Variants in AASS observed in about 807,000 individuals in gnomAD.
The protein encoded by AASS is alpha-aminoadipic semialdehyde synthase, mitochondrial.
Under a neutral mutation model 105.4 loss-of-function variants are expected in AASS, and 86 were observed. The ratio of observed to expected loss-of-function variants is 0.82; its 90% CI spans 0.69 to 0.98. The LOEUF is 0.98. AASS is among the 50% of genes least tolerant of loss of function. AASS has a pLI of 0.00. For missense variants in AASS, 1,048 were observed against 1,143.2 expected (o/e 0.92, Z 1.20); for synonymous variants, 381 against 394.8 (o/e 0.96, Z 0.41).
In AASS at chr7:122,115,074, T is replaced by C; in HGVS notation, c.1043A>G (p.Lys348Arg). 6.2e-7 allele frequency: 1 copy of C among 1,614,128 alleles called. No homozygotes were observed. The highest frequency in any genetic ancestry group is 8.5e-7 in the Non-Finnish European group (1 of 1,180,002). The change falls in exon 9 of 24, where the codon AAA (lysine) becomes AGA (arginine). Residue 348 changes from lysine to arginine, a missense_variant and splice_region_variant. By Grantham distance (26) the Lys-to-Arg change is conservative. Transcript: ENST00000417368. The stretch of plus-strand genomic sequence containing the variant: ...ATCGTTGCTGAAGTAGAGTCCTTAC[T>C]TGTGTGGTAATGCAGGGCAGCCTTC... ...GVEGCPALPH[K>R]LVAICDISAD... is the part of the protein sequence containing the mutation.
In AASS at chr7:122,077,995, CAT is replaced by C; in HGVS notation, c.2503_2504del (p.Met835AspfsTer19). The C allele has an allele frequency of 6.2e-7, 1 of 1,614,120 alleles. No homozygotes were observed. Among genetic ancestry groups the C allele is most frequent in the East Asian group, 2.2e-5 (1 of 44,868 alleles). On this transcript the variant is annotated frameshift_variant, in exon 23 of 24. Coordinates refer to ENST00000417368, the MANE Select transcript of AASS (RefSeq NM_005763.4). LOFTEE classifies it high-confidence loss of function. ...KLSYGPEEKD[M>X]IVMRDSFGIR... ...TTCCAAAGCTGTCTCTCATCACAAT[CAT>C]ATCTTTTTCTTCAGGACCTTAAAAC...
At chr7:122,131,698 CA>C (rs1795926111) in intron 2 of AASS, among the ~76,000 whole-genome samples, 1 of 151,968 alleles carries the variant, frequency 6.6e-6, no homozygotes, top group Non-Finnish European at 1.5e-5. Context: ...AACAGTATCT[CA>C]GTAACAATAA....
chr7:122,104,232 C>T (rs561917001), intron 11 of AASS, among the ~76,000 whole-genome samples: 1 of 152,010 alleles, frequency 6.6e-6, no homozygotes, highest in Non-Finnish European at 1.5e-5. Flanking sequence ...AATCTAGATA[C>T]CCATCAGTGG....
chr7:122,144,054 C>T (rs1243221816), intron 1 of AASS, 107 bp downstream of exon 1: 3 of 152,294 alleles, frequency 2.0e-5, no homozygotes, highest in Admixed American at 2.0e-4. Flanking sequence ...CTCGCGGGCC[C>T]CTCCCAGCGA....
chr7:122,143,978 T>C (rs1211556798), intron 1 of AASS, among the ~76,000 whole-genome samples, 183 bp downstream of exon 1: 1 of 152,084 alleles, frequency 6.6e-6, no homozygotes, highest in Non-Finnish European at 1.5e-5. Flanking sequence ...GCCCGAATGC[T>C]CGCCGCCTTC....
chr7:122,134,628 A>G (rs547271188), intron 1 of AASS, among the ~76,000 whole-genome samples: 32 of 152,304 alleles, frequency 2.1e-4, no homozygotes, highest in African/African-American at 5.8e-4. Flanking sequence ...ACCGGATTTT[A>G]CAAAAGTATT....
Position 122,076,531 on chromosome 7 carries a change from T to C in AASS, c.2739A>G (p.Ala913=), listed in dbSNP as rs138309707. The C allele has an allele frequency of 6.2e-7, 1 of 1,613,986 alleles. No homozygotes were observed. The highest frequency in any genetic ancestry group is 8.5e-7 in the Non-Finnish European group (1 of 1,179,850). Residue 913 remains alanine (A), a synonymous_variant, in exon 24 of 24, where the codon GCA becomes GCG. Transcript: ENST00000417368. ...TCTGTGTAGTATATATAATGCCTTC[T>C]GCTTTAATTCGCTCCAATATTGGTC... The part of the protein sequence containing the change: ...IYGPILERIK[A]EGIIYTTQST...
chr7:122,140,485 C>CGAAAAAAA (rs1796336511), intron 1 of AASS, among the ~76,000 whole-genome samples: 1 of 37,328 alleles, frequency 2.7e-5, no homozygotes, highest in African/African-American at 1.1e-4. Flanking sequence ...GACTCAGTCT[C>CGAAAAAAA]AAAAAAAAAA....
intron 19 of AASS, chr7:122,082,930 T>A (rs552694215): frequency 2.6e-6 from 3 of 1,167,818 alleles, no homozygotes; most frequent in South Asian, 2.5e-5. Context: ...AGATTCTGAA[T>A]AATAGATGAA....
At chr7:122,084,786 T>A (rs749623719) in intron 19 of AASS, among the ~76,000 whole-genome samples, 27 of 152,046 alleles carry the variant, frequency 1.8e-4, no homozygotes, top group Non-Finnish European at 3.5e-4. Flanking sequence ...GTGCCTTACA[T>A]CTTCCAGATA....
At chr7:122,132,192 G>T (rs1562992703) in intron 2 of AASS, among the ~76,000 whole-genome samples, 2 of 152,066 alleles carry the variant, frequency 1.3e-5, no homozygotes, top group Non-Finnish European at 2.9e-5. Context: ...TGATAAGAAA[G>T]TTTTTTAAAG....
At chr7:122,116,084 G>A (rs1394170369) in intron 8 of AASS, among the ~76,000 whole-genome samples, 1 of 152,116 alleles carries the variant, frequency 6.6e-6, no homozygotes, top group Non-Finnish European at 1.5e-5. Flanking sequence ...TGACTATAGA[G>A]CACACAAATA....
chr7:122,088,133 A>T (rs1261486784), intron 18 of AASS, among the ~76,000 whole-genome samples: 27 of 152,102 alleles, frequency 1.8e-4, no homozygotes, highest in Non-Finnish European at 1.9e-4. Context: ...GAGAATATAC[A>T]TTTCTTTCTG....
chr7:122,114,245 A>C (rs1795068941), intron 9 of AASS, among the ~76,000 whole-genome samples: 1 of 152,174 alleles, frequency 6.6e-6, no homozygotes, highest in African/African-American at 2.4e-5. Flanking sequence ...CACCCTAAAT[A>C]TGCTTTGGTA....
chr7:122,098,350 A>C, intron 15 of AASS, 100 bp downstream of exon 15: 1 of 1,379,128 alleles, frequency 7.3e-7, no homozygotes, highest in African/African-American at 1.4e-5. Context: ...TAAAAACTTT[A>C]CTCCAAAGGA....
At chr7:122,132,075 C>T (rs191483761) in intron 2 of AASS, among the ~76,000 whole-genome samples, 44 of 152,298 alleles carry the variant, frequency 2.9e-4, no homozygotes, top group African/African-American at 9.6e-4. Flanking sequence ...ATTCAGTTCA[C>T]TGTAATAAAA....
At chr7:122,112,295 C>T (rs1794977287) in intron 11 of AASS, among the ~76,000 whole-genome samples, 2 of 152,166 alleles carry the variant, frequency 1.3e-5, no homozygotes, top group Non-Finnish European at 2.9e-5. Flanking sequence ...TCATGTCTAA[C>T]CATGACAGTG....
At chr7:122,118,210 A>G (rs1795277559) in intron 6 of AASS, 97 bp downstream of exon 6, 1 of 1,363,786 alleles carries the variant, frequency 7.3e-7, no homozygotes, top group Admixed American at 1.7e-5. Context: ...TAGAATCTCC[A>G]GTCCATTTGA....
In AASS at chr7:122,079,797, G is replaced by T; in HGVS notation, c.2281-85C>A. The stretch of plus-strand genomic sequence containing the variant: ...TGAAAAATTATCCTACTAAAACACT[G>T]AACTTCAAATACACCTCAAATTTTA... On this transcript the variant is annotated intron_variant, in intron 20 of 23. Transcript: ENST00000417368. The T allele has an allele frequency of 3.5e-6, 3 of 867,842 alleles. No homozygotes were observed. In the South Asian group the frequency reaches 4.3e-5, roughly 12 times the overall value. 53.8% of individuals were successfully genotyped at this position (867,842 alleles called of 1,614,324 possible).
Sources: allele counts gnomAD v4.1 joint callset (sites outside exome capture counted in the v4.1 genomes callset), GRCh38; gene constraint gnomAD v4.1.1; transcripts MANE v1.5; gene names NCBI Gene and HGNC (gene_info 2026-07-23, HGNC 2026-07-21).